PCGF5: variants seen among roughly 807,000 people sequenced by gnomAD.
PCGF5 encodes polycomb group RING finger protein 5.
PCGF5 carries 9 observed loss-of-function variants against 44.3 expected under a neutral mutation model. The ratio of observed to expected loss-of-function variants is 0.20; its 90% confidence interval spans 0.12 to 0.35. The LOEUF (loss-of-function observed/expected upper bound fraction) is 0.35. Among genes scored for constraint, PCGF5 ranks in the 10% least tolerant of loss-of-function variants. The pLI, the probability that PCGF5 is intolerant of heterozygous loss-of-function variation, is 1.00. For missense variants in PCGF5, 146 were observed against 305.3 expected (o/e 0.48, Z 3.89); for synonymous variants, 95 against 102.5 (o/e 0.93, Z 0.44).
intron 8 of PCGF5, among the ~76,000 whole-genome samples, chr10:91,270,705 A>G (rs1301919697): frequency 6.6e-6 from 1 of 152,226 alleles, no homozygotes; most frequent in South Asian, 2.1e-4. Context: ...TTCAAAGTAT[A>G]TCTTTTAAAA....
At chr10:91,200,461 AAGAAG>A (rs1367631579) in intron 1 of PCGF5, among the ~76,000 whole-genome samples, 2 of 152,230 alleles carry the variant, frequency 1.3e-5, no homozygotes, top group Non-Finnish European at 2.9e-5. Flanking sequence ...TGTTTGAAAG[AAGAAG>A]AGAAGATTTT....
upstream of PCGF5, among the ~76,000 whole-genome samples, chr10:91,162,297 T>G (rs1489660393): frequency 1.0e-3 from 1 of 966 alleles, no homozygotes; most frequent in African/African-American, 5.0e-3. Flanking sequence ...TCACTTCTGG[T>G]GGGGTGGCGG....
At chr10:91,160,559 T>C (rs1843364343), upstream of PCGF5, among the ~76,000 whole-genome samples, 1 of 152,114 alleles carries the variant, frequency 6.6e-6, no homozygotes, top group South Asian at 2.1e-4. Context: ...CATAGGCAAC[T>C]GGTCATCTCC....
intron 1 of PCGF5, among the ~76,000 whole-genome samples, chr10:91,182,210 G>T (rs147096185): frequency 6.6e-6 from 1 of 150,658 alleles, no homozygotes; most frequent in African/African-American, 2.4e-5. Context: ...AGGAATGGTC[G>T]CAGCTCTTCT....
At chr10:91,205,806 A>G (rs1844336535) in intron 1 of PCGF5, among the ~76,000 whole-genome samples, 1 of 152,190 alleles carries the variant, frequency 6.6e-6, no homozygotes, top group South Asian at 2.1e-4. Flanking sequence ...CCTGGCCAAC[A>G]TGGCAAAACC....
intron 1 of PCGF5, among the ~76,000 whole-genome samples, chr10:91,165,159 T>G (rs1297434027): frequency 6.6e-6 from 1 of 152,250 alleles, no homozygotes; most frequent in East Asian, 1.9e-4. Context: ...GGTTTTCTTT[T>G]GATTCATTTT....
chr10:91,162,747 G>A (rs1005974541), upstream of PCGF5, among the ~76,000 whole-genome samples: 1 of 151,232 alleles, frequency 6.6e-6, no homozygotes, highest in Non-Finnish European at 1.5e-5. Context: ...GGGCGGCGGC[G>A]AGAGGCTGTG....
At chr10:91,185,915 A>AATGCAGGTACCTGG (rs147593970) in intron 1 of PCGF5, among the ~76,000 whole-genome samples, 2,810 of 151,878 alleles carry the variant, frequency 0.019, 74 homozygotes, top group African/African-American at 0.064. Flanking sequence ...GATTAGTCCC[A>AATGCAGGTACCTGG]ATGCAGGTAC....
At chr10:91,162,786 G>A (rs1191997925), upstream of PCGF5, among the ~76,000 whole-genome samples, 3 of 151,020 alleles carry the variant, frequency 2.0e-5, no homozygotes, top group Non-Finnish European at 4.4e-5. Flanking sequence ...CAGGGAGTGC[G>A]GGCTGTGCCC....
At chr10:91,180,410 A>C (rs2133190289) in intron 1 of PCGF5, among the ~76,000 whole-genome samples, 1 of 152,196 alleles carries the variant, frequency 6.6e-6, no homozygotes, top group South Asian at 2.1e-4. Context: ...TCATTATGAA[A>C]TCTTTGCCCA....
chr10:91,270,701 G>A (rs1846157460), intron 8 of PCGF5, among the ~76,000 whole-genome samples: 1 of 152,072 alleles, frequency 6.6e-6, no homozygotes, highest in East Asian at 1.9e-4. Flanking sequence ...ATCTTTCAAA[G>A]TATATCTTTT....
intron 1 of PCGF5, among the ~76,000 whole-genome samples, chr10:91,190,351 A>C (rs1844009684): frequency 6.6e-6 from 1 of 152,228 alleles, no homozygotes; most frequent in Admixed American, 6.5e-5. Context: ...AGACCACAGC[A>C]GTAAGTGATT....
chr10:91,253,326 G>T (rs34771310), intron 6 of PCGF5, among the ~76,000 whole-genome samples: 19,769 of 151,594 alleles, frequency 0.13, 2,411 homozygotes, highest in African/African-American at 0.32. Flanking sequence ...ATCCTGTCTC[G>T]CCCCCTACCA....
chr10:91,211,749 C>A (rs1361027657), intron 1 of PCGF5, among the ~76,000 whole-genome samples: 3 of 152,150 alleles, frequency 2.0e-5, no homozygotes, highest in Non-Finnish European at 4.4e-5. Flanking sequence ...TAAGCAGAAG[C>A]TAGAGGTTGG....
intron 2 of PCGF5, among the ~76,000 whole-genome samples, chr10:91,235,026 G>T (rs1845120897): frequency 6.6e-6 from 1 of 152,134 alleles, no homozygotes; most frequent in Non-Finnish European, 1.5e-5. Flanking sequence ...TCTGATGATG[G>T]TTTAGCAGAG....
chr10:91,252,934 A>G (rs1376292662), intron 6 of PCGF5, among the ~76,000 whole-genome samples: 1 of 151,834 alleles, frequency 6.6e-6, no homozygotes, highest in Non-Finnish European at 1.5e-5. Context: ...ATTCTAGTTG[A>G]CCTTTTATCC....
chr10:91,200,802 A>T (rs1844237985), intron 1 of PCGF5, among the ~76,000 whole-genome samples: 2 of 152,194 alleles, frequency 1.3e-5, no homozygotes, highest in South Asian at 4.1e-4. Context: ...CGGTGGGGCC[A>T]ATTATAGAAC....
At chr10:91,208,191 C>G (rs140812353) in intron 1 of PCGF5, among the ~76,000 whole-genome samples, 24 of 152,190 alleles carry the variant, frequency 1.6e-4, no homozygotes, top group African/African-American at 5.8e-4. Context: ...AGTTGACATT[C>G]TCTTGAAAAG....
At chr10:91,228,379 C>G (rs895513380) in intron 2 of PCGF5, among the ~76,000 whole-genome samples, 1 of 151,516 alleles carries the variant, frequency 6.6e-6, no homozygotes, top group African/African-American at 2.4e-5. Context: ...TGATTCTTTC[C>G]TCAGAAAAAA....
Sources: allele counts gnomAD v4.1 joint callset (sites outside exome capture counted in the v4.1 genomes callset), GRCh38; gene constraint gnomAD v4.1.1; transcripts MANE v1.5; gene names NCBI Gene and HGNC (gene_info 2026-07-23, HGNC 2026-07-21).